Variants in MRPL1 observed in about 807,000 individuals in gnomAD.
MRPL1 encodes large ribosomal subunit protein uL1m.
In MRPL1, 28 loss-of-function variants were observed where a neutral mutation model predicts 38.0. The ratio of observed to expected loss-of-function variants is 0.74; its 90% CI spans 0.55 to 1.01. The LOEUF is 1.01. Ranked by LOEUF, MRPL1 falls within the 50% of genes least tolerant of loss-of-function variation. The pLI is 0.00. For missense variants in MRPL1, 358 were observed against 389.8 expected (o/e 0.92, Z 0.69); for synonymous variants, 123 against 126.7 (o/e 0.97, Z 0.20).
At chr4:77,872,123 G>A (rs1358969314) in intron 2 of MRPL1, among the ~76,000 whole-genome samples, 1 of 152,044 alleles carries the variant, frequency 6.6e-6, no homozygotes, top group African/African-American at 2.4e-5. Context: ...GAAGAAAATC[G>A]AGGCACTGGT....
intron 7 of MRPL1, among the ~76,000 whole-genome samples, chr4:77,917,094 AG>A (rs952754231): frequency 4.6e-5 from 7 of 152,172 alleles, no homozygotes; most frequent in African/African-American, 1.7e-4. Context: ...CTTTGGTTAC[AG>A]TGTTATTCTC....
intron 7 of MRPL1, among the ~76,000 whole-genome samples, chr4:77,915,206 A>G (rs1160632022): frequency 6.6e-6 from 1 of 152,152 alleles, no homozygotes; most frequent in Non-Finnish European, 1.5e-5. Flanking sequence ...TACGGAATTG[A>G]TCTTGAGTAG....
chr4:77,879,677 C>T (rs753536796), intron 2 of MRPL1, among the ~76,000 whole-genome samples: 4 of 152,110 alleles, frequency 2.6e-5, no homozygotes, highest in Non-Finnish European at 5.9e-5. Flanking sequence ...ACAGGCTCTC[C>T]AAAATCCTTC....
At chr4:77,940,180 G>A (rs1737084436) in intron 7 of MRPL1, among the ~76,000 whole-genome samples, 1 of 152,090 alleles carries the variant, frequency 6.6e-6, no homozygotes, top group African/African-American at 2.4e-5. Flanking sequence ...ATGAGCATGG[G>A]ATATGTTTCC....
At chr4:77,907,138 G>A in intron 6 of MRPL1, 1 of 984,502 alleles carries the variant, frequency 1.0e-6, no homozygotes, top group Non-Finnish European at 1.2e-6. Flanking sequence ...TCTCTTCAGT[G>A]GCACAGTCTT....
At chr4:77,908,059 G>A (rs577674008) in intron 6 of MRPL1, among the ~76,000 whole-genome samples, 6 of 150,682 alleles carry the variant, frequency 4.0e-5, no homozygotes, top group South Asian at 2.1e-4. Flanking sequence ...CACCATGCCC[G>A]ACTATAGAAA....
At chr4:77,913,767 A>T (rs1254480714) in intron 7 of MRPL1, among the ~76,000 whole-genome samples, 1 of 152,238 alleles carries the variant, frequency 6.6e-6, no homozygotes, top group African/African-American at 2.4e-5. Flanking sequence ...ATATAAAAAA[A>T]ATTCTTCAGT....
chr4:77,925,148 T>TTA (rs1736682193), intron 7 of MRPL1, among the ~76,000 whole-genome samples: 1 of 152,166 alleles, frequency 6.6e-6, no homozygotes, highest in African/African-American at 2.4e-5. Flanking sequence ...TGAAAGTAAG[T>TTA]AACAGGCATT....
At chr4:77,883,163 CTT>C (rs1735583994) in intron 2 of MRPL1, 77 bp from the exon 3 acceptor site, 9 of 904,160 alleles carry the variant, frequency 1.0e-5, no homozygotes, top group Non-Finnish European at 1.4e-5. Flanking sequence ...TTTTTTTTCT[CTT>C]ATGTACACTG....
At chr4:77,902,222 A>T (rs1026692241) in intron 6 of MRPL1, among the ~76,000 whole-genome samples, 1 of 152,176 alleles carries the variant, frequency 6.6e-6, no homozygotes, top group Admixed American at 6.6e-5. Flanking sequence ...TTTAAAGGCT[A>T]AATTAGCTGG....
chr4:77,921,624 T>C (rs900497235), intron 7 of MRPL1, among the ~76,000 whole-genome samples: 1 of 152,192 alleles, frequency 6.6e-6, no homozygotes, highest in African/African-American at 2.4e-5. Context: ...CAAAAAGTTC[T>C]GAGAAAAGTA....
intron 7 of MRPL1, among the ~76,000 whole-genome samples, chr4:77,917,474 G>C (rs534564876): frequency 1.3e-5 from 2 of 152,024 alleles, no homozygotes; most frequent in South Asian, 4.1e-4. Flanking sequence ...TGTATCCTAT[G>C]TATTTAAAAA....
intron 6 of MRPL1, among the ~76,000 whole-genome samples, chr4:77,907,474 C>T (rs1326353273): frequency 6.8e-6 from 1 of 146,254 alleles, no homozygotes; most frequent in East Asian, 2.0e-4. Flanking sequence ...GTCTTTCTCT[C>T]TCTCTCTCCC....
At chr4:77,915,870 A>T (rs1282324247) in intron 7 of MRPL1, among the ~76,000 whole-genome samples, 2 of 152,242 alleles carry the variant, frequency 1.3e-5, no homozygotes, top group Non-Finnish European at 2.9e-5. Flanking sequence ...TTATTGGAAT[A>T]TGTTATTTTT....
chr4:77,915,784 A>G (rs1013717561), intron 7 of MRPL1, among the ~76,000 whole-genome samples: 10 of 152,234 alleles, frequency 6.6e-5, no homozygotes, highest in Admixed American at 1.3e-4. Context: ...GTTATGTCTT[A>G]TGCTATCAAA....
chr4:77,875,791 T>C (rs979787989), intron 2 of MRPL1, among the ~76,000 whole-genome samples: 2 of 152,168 alleles, frequency 1.3e-5, no homozygotes, highest in Non-Finnish European at 2.9e-5. Context: ...GGCAGAAATC[T>C]AACAAGAAAG....
intron 2 of MRPL1, among the ~76,000 whole-genome samples, chr4:77,881,853 CTTAA>C (rs1463822688): frequency 6.6e-6 from 1 of 152,182 alleles, no homozygotes; most frequent in Non-Finnish European, 1.5e-5. Context: ...GGAACAGACT[CTTAA>C]TTGTTTTCAA....
chr4:77,897,064 A>G (rs887743567), intron 6 of MRPL1, among the ~76,000 whole-genome samples: 1 of 150,800 alleles, frequency 6.6e-6, no homozygotes, highest in African/African-American at 2.5e-5. Flanking sequence ...CACTAGCGTG[A>G]AATATATCTT....
intron 3 of MRPL1, 81 bp downstream of exon 3, chr4:77,883,581 A>G (rs1176886081): frequency 9.6e-6 from 13 of 1,353,746 alleles, no homozygotes; most frequent in Non-Finnish European, 9.9e-6. Context: ...TTTTATTGTT[A>G]TTATTATTTT....
Sources: allele counts gnomAD v4.1 joint callset (sites outside exome capture counted in the v4.1 genomes callset), GRCh38; gene constraint gnomAD v4.1.1; transcripts MANE v1.5; gene names NCBI Gene and HGNC (gene_info 2026-07-23, HGNC 2026-07-21).